Variants in DLGAP2 observed in about 807,000 individuals in gnomAD.
DLGAP2 encodes disks large-associated protein 2.
Under a neutral mutation model 100.3 loss-of-function variants are expected in DLGAP2, and 26 were observed. The ratio of observed to expected loss-of-function variants is 0.26; its 90% CI spans 0.19 to 0.36. DLGAP2 has a LOEUF of 0.36. Among genes scored for constraint, DLGAP2 ranks in the 10% least tolerant of loss-of-function variants. DLGAP2 has a pLI of 1.00. For synonymous variants in DLGAP2, 886 were observed against 630.1 expected (o/e 1.41, Z -6.08); for missense variants, 1,858 against 1,453.2 (o/e 1.28, Z -4.53).
intron 1 of DLGAP2, among the ~76,000 whole-genome samples, chr8:792,542 A>T (rs1049300877): frequency 3.3e-5 from 5 of 152,244 alleles, no homozygotes; most frequent in Admixed American, 2.6e-4. Flanking sequence ...TTATCAAATT[A>T]AAGAAGTTTC....
At chr8:1,081,678 G>A (rs986164526) in intron 2 of DLGAP2, among the ~76,000 whole-genome samples, 10 of 152,182 alleles carry the variant, frequency 6.6e-5, no homozygotes, top group African/African-American at 2.4e-4. Context: ...TCAAGATTGT[G>A]TTCCTTTTCT....
At position 1,367,909 on chromosome 8, in the gene DLGAP2, G is replaced by A. The variant is rs1028352622; in HGVS notation, c.106+109026G>A. Among the ~76,000 whole-genome samples the A allele has an allele frequency of 5.9e-5, 9 of 152,168 alleles. No individual in the cohort carries two copies. In the South Asian group the frequency reaches 6.2e-4, roughly 11 times the overall value. ...GAGGGGGCAGAGAAGTCAGATACCCGAACAAGCTCAGTTGTTCCGGATGAT... is the reference window on the plus strand; with the variant it reads ...GAGGGGGCAGAGAAGTCAGATACCCAAACAAGCTCAGTTGTTCCGGATGAT... On this transcript the variant is annotated intron_variant, in intron 3 of 14. Coordinates refer to ENST00000637795, the MANE Select transcript of DLGAP2 (RefSeq NM_001346810.2).
At chr8:1,249,999 G>C (rs187136936) in intron 2 of DLGAP2, among the ~76,000 whole-genome samples, 1 of 152,258 alleles carries the variant, frequency 6.6e-6, no homozygotes, top group East Asian at 1.9e-4. Context: ...TTCTGCCTCA[G>C]CCTCCCGAGT....
chr8:824,138 C>T (rs962859358), intron 1 of DLGAP2, among the ~76,000 whole-genome samples: 3 of 151,884 alleles, frequency 2.0e-5, no homozygotes, highest in Non-Finnish European at 2.9e-5. Flanking sequence ...GCAGTGGTAC[C>T]ATCATGGCTC....
intron 2 of DLGAP2, among the ~76,000 whole-genome samples, chr8:989,411 G>A (rs111348836): frequency 0.016 from 2,494 of 152,124 alleles, 67 homozygotes; most frequent in African/African-American, 0.057. Context: ...CACCTGAATC[G>A]GCCGCACTTG....
At chr8:955,351 T>G (rs1163664763) in intron 2 of DLGAP2, among the ~76,000 whole-genome samples, 2 of 152,154 alleles carry the variant, frequency 1.3e-5, no homozygotes, top group African/African-American at 4.8e-5. Context: ...GGCCTCTCAA[T>G]GTCAGAAGCA....
At chr8:1,197,856 G>A (rs1052013636) in intron 2 of DLGAP2, among the ~76,000 whole-genome samples, 1 of 152,170 alleles carries the variant, frequency 6.6e-6, no homozygotes, top group African/African-American at 2.4e-5. Flanking sequence ...GTGGAATCAG[G>A]TTTCTCGTCT....
intron 2 of DLGAP2, among the ~76,000 whole-genome samples, chr8:1,249,789 C>A (rs1253147371): frequency 6.6e-6 from 1 of 152,136 alleles, no homozygotes; most frequent in Non-Finnish European, 1.5e-5. Context: ...GTTCTTAACC[C>A]TCGGTGCACA....
At chr8:1,546,691 G>T (rs1028827697) in intron 4 of DLGAP2, among the ~76,000 whole-genome samples, 8 of 152,206 alleles carry the variant, frequency 5.3e-5, no homozygotes, top group African/African-American at 1.9e-4. Flanking sequence ...TGGCATCCAT[G>T]TTGCTCAGGG....
chr8:1,538,672 T>G (rs6558481), intron 4 of DLGAP2, among the ~76,000 whole-genome samples: 34,320 of 152,024 alleles, frequency 0.23, 4,673 homozygotes, highest in African/African-American at 0.38. Flanking sequence ...GCCCTGGCCC[T>G]CTTTTCTAGG....
chr8:1,057,518 C>G (rs372077849), intron 2 of DLGAP2, among the ~76,000 whole-genome samples: 1 of 152,198 alleles, frequency 6.6e-6, no homozygotes, highest in South Asian at 2.1e-4. Context: ...TTCAGCTCTT[C>G]GTTTGTTGTC....
At chr8:1,260,708 G>T (rs1055839197) in intron 3 of DLGAP2, among the ~76,000 whole-genome samples, 1 of 152,174 alleles carries the variant, frequency 6.6e-6, no homozygotes. Flanking sequence ...AAATCTCCCC[G>T]GAGTCCTGGC....
intron 2 of DLGAP2, among the ~76,000 whole-genome samples, chr8:1,177,743 G>A (rs948808962): frequency 1.3e-5 from 2 of 152,152 alleles, no homozygotes; most frequent in Non-Finnish European, 1.5e-5. Context: ...TCGATGTCTG[G>A]TGAGGGCTGC....
chr8:1,498,543 C>A (rs910074402), intron 3 of DLGAP2, among the ~76,000 whole-genome samples: 9 of 152,162 alleles, frequency 5.9e-5, no homozygotes, highest in African/African-American at 2.2e-4. Flanking sequence ...TCCCCAGGCC[C>A]CTTGGATGGG....
chr8:1,222,961 C>T (rs990762089), intron 2 of DLGAP2, among the ~76,000 whole-genome samples: 1 of 152,118 alleles, frequency 6.6e-6, no homozygotes, highest in Non-Finnish European at 1.5e-5. Context: ...TGTGGCAAGC[C>T]TTGGGGGACG....
rs563922795 is a variant in DLGAP2, at chr8:862,478, A to G, written c.19-45434A>G. On this transcript the variant is annotated intron_variant, in intron 1 of 14. Coordinates refer to ENST00000637795, the MANE Select transcript of DLGAP2 (RefSeq NM_001346810.2). ...CCACCTCGCCTGGCTAATTTTTTGT[A>G]TATTTACTAGAGACGGGATTTTGCC... is the stretch of plus-strand genomic sequence containing the variant. 5.3e-5 allele frequency among the ~76,000 whole-genome samples: 8 copies of G among 151,958 alleles called. No individual in the cohort carries two copies. The East Asian group carries it at 7.8e-4, about 15-fold the overall frequency.
At chr8:1,254,326 G>T (rs556853961) in intron 2 of DLGAP2, among the ~76,000 whole-genome samples, 10 of 152,144 alleles carry the variant, frequency 6.6e-5, no homozygotes, top group Non-Finnish European at 1.0e-4. Context: ...TCAAGGCCTC[G>T]TGGTCTCCTC....
intron 1 of DLGAP2, among the ~76,000 whole-genome samples, chr8:847,718 G>T (rs1797096890): frequency 6.6e-6 from 1 of 152,092 alleles, no homozygotes. Context: ...TGTTGGCCAG[G>T]CTGGTCTCAA....
chr8:1,021,880 T>G (rs1801632963), intron 2 of DLGAP2, among the ~76,000 whole-genome samples: 1 of 152,066 alleles, frequency 6.6e-6, no homozygotes, highest in Admixed American at 6.5e-5. Context: ...GGGCTTCTCC[T>G]CTTGTTTGTT....
Sources: gnomAD v4.1 joint callset for allele counts (sites outside exome capture counted in the v4.1 genomes callset) on GRCh38, gnomAD v4.1.1 for gene constraint, MANE v1.5 for transcripts, NCBI Gene and HGNC (gene_info 2026-07-23, HGNC 2026-07-21) for gene names.